The following PLA2G4F variants were observed in gnomAD, a reference collection of about 807,000 sequenced individuals.
PLA2G4F encodes cytosolic phospholipase A2 zeta.
PLA2G4F carries 105 observed loss-of-function variants against 103.1 expected under a neutral mutation model. That is an observed-to-expected ratio of 1.02 (90% CI 0.87 to 1.20). The LOEUF is 1.20. PLA2G4F is among the 50% of genes most tolerant of loss of function. The pLI is 0.00. For missense variants in PLA2G4F, 1,155 were observed against 1,075.9 expected (o/e 1.07, Z -1.03); for synonymous variants, 468 against 441.1 (o/e 1.06, Z -0.76).
At position 42,142,139 on chromosome 15, in the gene PLA2G4F, G is replaced by T; in HGVS notation, c.2395C>A (p.Pro799Thr). Reference protein sequence around the residue: ...GDFVINRPDTPYGMMNFTYEP... With the variant: ...GDFVINRPDTTYGMMNFTYEP... ...TAGGTGAAGTTCATCATGCCATAGG[G>T]GGTGTCTGGCCTGTTGATGACAAAG... The change falls in exon 20 of 20, where the codon CCC (proline) becomes ACC (threonine). Residue 799 changes from proline (P) to threonine (T), a missense_variant. Transcript: ENST00000397272. 1.2e-6 allele frequency: 2 copies of T among 1,614,200 alleles called. No homozygotes were observed. The highest frequency in any genetic ancestry group is 1.6e-4 in the Middle Eastern group (1 of 6,062).
chr15:42,147,553 T>TA, intron 12 of PLA2G4F, 73 bp downstream of exon 12: 1 of 1,556,344 alleles, frequency 6.4e-7, no homozygotes, highest in Non-Finnish European at 8.8e-7. Context: ...AGGGACTCCT[T>TA]AAGATCACCA....
chr15:42,146,880 G>T (rs537938853), intron 13 of PLA2G4F: 1 of 480,574 alleles, frequency 2.1e-6, no homozygotes. Flanking sequence ...AAGCTGCGCC[G>T]GTGATTCTAA....
At position 42,150,611 on chromosome 15, in the gene PLA2G4F, C is replaced by T; in HGVS notation, c.768G>A (p.Val256=). Residue 256 remains valine, a synonymous_variant, in exon 8 of 20, where the codon GTG becomes GTA. Transcript: ENST00000397272. ...ACCATCCTGGCGGCGCACTCACCTG[C>T]ACAGCTGCCAGCAGCTCCATCAGCT... is the stretch of plus-strand genomic sequence containing the variant. ...HVELMELLAA[V]QSGPSAELEA... The T allele has an allele frequency of 6.2e-7, 1 of 1,607,372 alleles. No individual in the cohort carries two copies. The highest frequency in any genetic ancestry group is 8.5e-7 in the Non-Finnish European group (1 of 1,176,916).
At chr15:42,149,236 A>G (rs2048927012) in intron 11 of PLA2G4F, 1 of 900,180 alleles carries the variant, frequency 1.1e-6, no homozygotes, top group Non-Finnish European at 1.3e-6. Context: ...ACAAGGAGGT[A>G]ATAAAGGTGA....
intron 13 of PLA2G4F, 39 bp downstream of exon 13, chr15:42,147,085 G>A (rs1473176683): frequency 2.5e-6 from 4 of 1,571,714 alleles, no homozygotes; most frequent in South Asian, 1.1e-5. Context: ...GGAAGGAGTG[G>A]AGAGGAGCCT....
At chr15:42,144,756 T>TC in intron 16 of PLA2G4F, 112 bp from the exon 17 acceptor site, 1 of 1,112,766 alleles carries the variant, frequency 9.0e-7, no homozygotes, top group Non-Finnish European at 1.2e-6. Flanking sequence ...CCCACATCCC[T>TC]CCTCCTCCCT....
Position 42,142,032 on chromosome 15 carries a change from G to C in PLA2G4F, c.2502C>G (p.Leu834=). 1 of 1,614,170 alleles carries C rather than the reference G, an allele frequency of 6.2e-7. No homozygotes were observed. Among genetic ancestry groups the C allele is most frequent in the Non-Finnish European group, 8.5e-7 (1 of 1,180,042 alleles). ...LNNVETLKCA[L]QLALDRHQAR... is the part of the protein sequence containing the mutation. ...CCTGGTGCCGGTCCAGAGCCAGCTG[G>C]AGGGCGCACTTCAAGGTCTCCACGT... Residue 834 remains leucine, a synonymous_variant, in exon 20 of 20, where the codon CTC becomes CTG. Coordinates refer to ENST00000397272, the MANE Select transcript of PLA2G4F (RefSeq NM_213600.4).
chr15:42,150,653 G>A lies in PLA2G4F; in HGVS notation c.726C>T (p.Ser242=), dbSNP rs759813726. 3 of 1,613,610 alleles carry A rather than the reference G, an allele frequency of 1.9e-6. No individual in the cohort carries two copies. The highest frequency in any genetic ancestry group is 2.2e-5 in the South Asian group (2 of 90,956). ...CCATCAGCTCCACGTGTAGCCTGGA[G>A]CTCAGCACTGGGTTCACGTGGAAGG... ...TFTFHVNPVL[S]SRLHVELMEL... Residue 242 remains serine, a synonymous_variant, in exon 8 of 20, where the codon AGC becomes AGT. Coordinates refer to ENST00000397272, the MANE Select transcript of PLA2G4F (RefSeq NM_213600.4).
chr15:42,155,706 G>A, intron 1 of PLA2G4F, 117 bp from the exon 2 acceptor site: 3 of 1,003,036 alleles, frequency 3.0e-6, no homozygotes. Flanking sequence ...TGACGTCTCT[G>A]TGCCGGGGAG....
chr15:42,145,932 C>G (rs1457965385), intron 14 of PLA2G4F, 29 bp from the exon 15 acceptor site: 2 of 1,610,456 alleles, frequency 1.2e-6, no homozygotes, highest in East Asian at 2.2e-5. Flanking sequence ...GGAAAGTCAC[C>G]AGGGGCTTCC....
At chr15:42,145,107 A>G (rs192588793) in intron 16 of PLA2G4F, among the ~76,000 whole-genome samples, 14 of 152,336 alleles carry the variant, frequency 9.2e-5, no homozygotes, top group African/African-American at 2.9e-4. Flanking sequence ...AAGGACGACG[A>G]CAGGGATGTG....
At chr15:42,148,616 C>A (rs928711507) in intron 11 of PLA2G4F, 2 of 984,880 alleles carry the variant, frequency 2.0e-6, no homozygotes, top group Non-Finnish European at 2.4e-6. Context: ...AATTGTCCCC[C>A]GTTGAGCACC....
In PLA2G4F at chr15:42,147,321, G is replaced by C; in HGVS notation, c.1222C>G (p.Pro408Ala). Residue 408 changes from proline to alanine, a missense_variant, in exon 13 of 20, where the codon CCA (proline) becomes GCA (alanine). Coordinates refer to ENST00000397272, the MANE Select transcript of PLA2G4F (RefSeq NM_213600.4). ...TGCAAGGCCACCTGGGACCAGGCTG[G>C]GTCCCTGTAGAGTGTGGAGATGCAC... ...TWCISTLYRD[P>A]AWSQVALQGP... 4 of 1,608,654 alleles carry C rather than the reference G, an allele frequency of 2.5e-6. No individual in the cohort carries two copies. The highest frequency in any genetic ancestry group is 3.4e-6 in the Non-Finnish European group (4 of 1,179,942).
chr15:42,147,404 G>A lies in PLA2G4F; in HGVS notation c.1197-58C>T, dbSNP rs2048904195. 7.9e-6 allele frequency: 12 copies of A among 1,525,032 alleles called. No homozygotes were observed. In the Admixed American group the frequency reaches 1.5e-4, roughly 19 times the overall value. 94.5% of individuals were successfully genotyped at this position (1,525,032 alleles called of 1,614,324 possible). On this transcript the variant is annotated intron_variant, in intron 12 of 19. Transcript: ENST00000397272. ...AGGAGAGCACAGCCACGGGAGAGAG[G>A]GGTGCAGAGTCTGTGAGTGGCCCTC...
rs2048857898 is a variant in PLA2G4F, at chr15:42,144,375, C to A, written c.1975+75G>T. 7.0e-6 allele frequency: 11 copies of A among 1,564,956 alleles called. No individual in the cohort carries two copies. In the Admixed American group the frequency reaches 1.9e-4, roughly 26 times the overall value. On this transcript the variant is annotated intron_variant, in intron 17 of 19. Transcript: ENST00000397272. ...CACACCTCAACCCCCAGCCCAAAGC[C>A]AGCACTGGCTCCAGTGAGCCAGAGG...
chr15:42,155,367 T>C lies in PLA2G4F; in HGVS notation c.184+150A>G, dbSNP rs595661. 2.1e-3 allele frequency: 1,578 copies of C among 753,596 alleles called. 19 individuals carry two copies. In the African/African-American group the frequency reaches 0.022, roughly 10 times the overall value. 46.7% of individuals were successfully genotyped at this position (753,596 alleles called of 1,614,324 possible). A position where few individuals can be genotyped will look rare whatever the true frequency, so the allele number is the denominator to read the frequency against. ...ATACTTGCACAGATGCCTACACGTA[T>C]ACTCACACATGTATACACACATGCA... On this transcript the variant is annotated intron_variant, in intron 2 of 19. Transcript: ENST00000397272.
At position 42,141,980 on chromosome 15, in the gene PLA2G4F, T is replaced by TTGGTCAGGCCCCTGCCC; in HGVS notation, c.2537_*3dup. 6.2e-7 allele frequency: 1 copy of TTGGTCAGGCCCCTGCCC among 1,612,404 alleles called. No homozygotes were observed. The highest frequency in any genetic ancestry group is 1.1e-5 in the South Asian group (1 of 90,976). On this transcript the variant is annotated 3_prime_UTR_variant, in exon 20 of 20. Transcript: ENST00000397272. ...CTGTCACAGTCCTCCGCTTCCTGCC[T>TTGGTCAGGCCCCTGCCC]TGGTCAGGCCCCTGCCCTCTCCCGA...
chr15:42,149,663 T>A, intron 11 of PLA2G4F, 50 bp downstream of exon 11: 1 of 1,608,778 alleles, frequency 6.2e-7, no homozygotes. Flanking sequence ...GGGAAGAGAC[T>A]TGATTTAGTC....
At position 42,150,392 on chromosome 15, in the gene PLA2G4F, CA is replaced by C; in HGVS notation, c.865del (p.Cys289ValfsTer13). The C allele has an allele frequency of 1.2e-6, 2 of 1,611,928 alleles. No homozygotes were observed. Among genetic ancestry groups the C allele is most frequent in the Non-Finnish European group, 1.7e-6 (2 of 1,179,364 alleles). ...CCTTACCTCCCCCAGGGCCACAGAA[CA>C]CTGTTCCTCCTGGCCTAGGGGCAGA... ...SSLPLGQEEQ[C>X]SVALGEGQEV... On this transcript the variant is annotated frameshift_variant, in exon 9 of 20. Coordinates refer to ENST00000397272, the MANE Select transcript of PLA2G4F (RefSeq NM_213600.4). LOFTEE classifies it high-confidence loss of function.
Sources: gnomAD v4.1 joint callset for allele counts (sites outside exome capture counted in the v4.1 genomes callset) on GRCh38, gnomAD v4.1.1 for gene constraint, MANE v1.5 for transcripts, NCBI Gene and HGNC (gene_info 2026-07-23, HGNC 2026-07-21) for gene names.